Variants in TRIB3 observed in about 807,000 individuals in gnomAD.
The protein encoded by TRIB3 is tribbles pseudokinase 3.
Under a neutral mutation model 16.6 loss-of-function variants are expected in TRIB3, and 20 were observed. That is an observed-to-expected ratio of 1.20 (90% CI 0.85 to 1.75). The LOEUF (loss-of-function observed/expected upper bound fraction) is 1.75, where lower values mean the gene tolerates loss of function less well. Ranked by LOEUF, TRIB3 falls within the 40% of genes most tolerant of loss-of-function variation. TRIB3 has a pLI of 0.00. For missense variants in TRIB3, 484 were observed against 488.9 expected, an observed-to-expected ratio of 0.99 and a Z score of 0.10; for synonymous variants, 208 against 217.0, an observed-to-expected ratio of 0.96 and a Z score of 0.36.
chr20:389,809 G>C (rs1380353310), intron 2 of TRIB3, among the ~76,000 whole-genome samples: 1 of 152,226 alleles, frequency 6.6e-6, no homozygotes, highest in Non-Finnish European at 1.5e-5. Context: ...TGCACCATGG[G>C]TGCTGAATGG....
At chr20:395,079 G>C (rs1410986127) in intron 3 of TRIB3, among the ~76,000 whole-genome samples, 2 of 152,174 alleles carry the variant, frequency 1.3e-5, no homozygotes, top group African/African-American at 4.8e-5. Flanking sequence ...AATAGCAGTG[G>C]TAATAGAATG....
intron 1 of TRIB3, chr20:382,342 A>G (rs956256273): frequency 2.8e-5 from 16 of 576,888 alleles, no homozygotes; most frequent in Non-Finnish European, 3.4e-5. Flanking sequence ...CCAGGCCCCA[A>G]CAGGCTCTGA....
At position 396,244 on chromosome 20, in the gene TRIB3, G is replaced by A; in HGVS notation, c.631G>A (p.Gly211Arg). ...CCTGGAGGACTCCTGCGTGCTGACT[G>A]GGCCAGATGATTCCCTGTGGGACAA... ...ENLEDSCVLT[G>R]PDDSLWDKHA... is the part of the protein sequence containing the mutation. Residue 211 changes from glycine to arginine, a missense_variant, in exon 4 of 4, where the codon GGG becomes AGG. By Grantham distance (125) the Gly-to-Arg change is moderately radical (BLOSUM62 -2). Transcript: ENST00000217233. 1.2e-6 allele frequency: 2 copies of A among 1,613,790 alleles called. No individual in the cohort carries two copies. Among genetic ancestry groups the A allele is most frequent in the East Asian group, 2.2e-5 (1 of 44,878 alleles).
In TRIB3 at chr20:396,225, G is replaced by A. The variant is rs769730097; in HGVS notation, c.612G>A (p.Glu204=). The A allele has an allele frequency of 2.5e-6, 4 of 1,611,072 alleles. No individual in the cohort carries two copies. In the Admixed American group the frequency reaches 6.7e-5, roughly 27 times the overall value. Residue 204 remains glutamate, a synonymous_variant, in exon 4 of 4, where the codon GAG becomes GAA. Transcript: ENST00000217233. ...ERKKLVLENL[E]DSCVLTGPDD... is the part of the protein sequence containing the mutation. ...AGAAGCTGGTGCTGGAGAACCTGGAGGACTCCTGCGTGCTGACTGGGCCAG... is the reference window on the plus strand; with the variant it reads ...AGAAGCTGGTGCTGGAGAACCTGGAAGACTCCTGCGTGCTGACTGGGCCAG...
At chr20:381,256 G>A (rs1170267805) in intron 1 of TRIB3, 87 bp downstream of exon 1, 1 of 152,238 alleles carries the variant, frequency 6.6e-6, no homozygotes, top group African/African-American at 2.4e-5. Flanking sequence ...GGAAGCCTCT[G>A]GGCGTCTGCG....
chr20:387,363 CAGAG>C (rs1263648115), intron 1 of TRIB3, among the ~76,000 whole-genome samples: 1 of 151,890 alleles, frequency 6.6e-6, no homozygotes, highest in Non-Finnish European at 1.5e-5. Context: ...TGCATCCTTT[CAGAG>C]AGAGAGATGA....
chr20:382,851 C>G (rs561302203), intron 1 of TRIB3, among the ~76,000 whole-genome samples: 1 of 152,210 alleles, frequency 6.6e-6, no homozygotes, highest in Non-Finnish European at 1.5e-5. Flanking sequence ...AAGTCATGAC[C>G]TTTCACTCAT....
chr20:396,196 A>G lies in TRIB3; in HGVS notation c.585-2A>G. On this transcript the variant is annotated splice_acceptor_variant, in intron 3 of 3. Transcript: ENST00000217233. LOFTEE classifies it high-confidence loss of function. ...ACCCTTCTGTTTCTCCCCATGTCCC[A>G]GGAAGAAGCTGGTGCTGGAGAACCT... The G allele has an allele frequency of 1.2e-6, 2 of 1,605,420 alleles. No homozygotes were observed. The highest frequency in any genetic ancestry group is 1.7e-6 in the Non-Finnish European group (2 of 1,173,430).
At chr20:394,124 G>A (rs868300249) in intron 3 of TRIB3, among the ~76,000 whole-genome samples, 4 of 148,854 alleles carry the variant, frequency 2.7e-5, no homozygotes, top group African/African-American at 7.5e-5. Flanking sequence ...TCCACCTCCC[G>A]GGTTCAAGTG....
chr20:391,272 A>G lies in TRIB3; in HGVS notation c.292-15A>G, dbSNP rs1035414321. On this transcript the variant is annotated splice_polypyrimidine_tract_variant and intron_variant, in intron 2 of 3. Transcript: ENST00000217233. ...GGGAGTCCCCAGCTGTGCTAACACC[A>G]TGCTCTGCCCACAGGTGTACCCCGT... 6.2e-7 allele frequency: 1 copy of G among 1,608,696 alleles called. No individual in the cohort carries two copies. The highest frequency in any genetic ancestry group is 8.5e-7 in the Non-Finnish European group (1 of 1,178,728).
chr20:394,232 T>C (rs1425014567), intron 3 of TRIB3, among the ~76,000 whole-genome samples: 5 of 152,270 alleles, frequency 3.3e-5, no homozygotes, highest in South Asian at 2.1e-4. Flanking sequence ...GGTTTTGCCA[T>C]GTTGGCCAGG....
chr20:394,786 TAAAGAAAAA>T (rs764411709), intron 3 of TRIB3, among the ~76,000 whole-genome samples: 82 of 146,920 alleles, frequency 5.6e-4, no homozygotes, highest in Non-Finnish European at 1.0e-3. Context: ...ACCCTATCTC[TAAAGAAAAA>T]AAAGAAAAAA....
At position 388,032 on chromosome 20, in the gene TRIB3, G is replaced by T. The variant is rs1398755474; in HGVS notation, c.22G>T (p.Ala8Ser). 2 of 1,613,516 alleles carry T rather than the reference G, an allele frequency of 1.2e-6. No homozygotes were observed. The highest frequency in any genetic ancestry group is 2.2e-5 in the East Asian group (1 of 44,862). ...CCAGATGCGAGCCACCCCTCTGGCT[G>T]CTCCTGCGGGTTCCCTGTCCAGGAA... MRATPLA[A>S]PAGSLSRKKR... The change falls in exon 2 of 4, where the codon GCT (alanine) becomes TCT (serine). Residue 8 changes from alanine to serine, a missense_variant. Ala to Ser is a moderately conservative substitution (Grantham distance 99). Coordinates refer to ENST00000217233, the MANE Select transcript of TRIB3 (RefSeq NM_021158.5).
At position 391,867 on chromosome 20, in the gene TRIB3, C is replaced by T. The variant is rs1568536245; in HGVS notation, c.584+288C>T. On this transcript the variant is annotated intron_variant, in intron 3 of 3. Coordinates refer to ENST00000217233, the MANE Select transcript of TRIB3 (RefSeq NM_021158.5). The stretch of plus-strand genomic sequence containing the variant: ...TGAAACTCCGTCTCTACTAAAAATA[C>T]AAAAATTAGCCTAGTGTGGTGGCGC... Among the ~76,000 whole-genome samples the T allele has an allele frequency of 2.6e-5, 4 of 152,102 alleles. No homozygotes were observed. The South Asian group carries it at 8.3e-4, about 32-fold the overall frequency.
At chr20:395,934 C>A (rs535600322) in intron 3 of TRIB3, among the ~76,000 whole-genome samples, 24 of 152,304 alleles carry the variant, frequency 1.6e-4, no homozygotes, top group African/African-American at 5.8e-4. Flanking sequence ...CCCATCAGCC[C>A]CCTCCCCAAG....
At chr20:391,734 G>A (rs966216122) in intron 3 of TRIB3, among the ~76,000 whole-genome samples, 155 bp downstream of exon 3, 86 of 152,072 alleles carry the variant, frequency 5.7e-4, no homozygotes, top group African/African-American at 1.9e-3. Flanking sequence ...GAGAAGAGTT[G>A]ACTCAGGCCA....
intron 1 of TRIB3, among the ~76,000 whole-genome samples, chr20:386,105 C>T (rs1419816917): frequency 2.0e-5 from 3 of 152,110 alleles, no homozygotes; most frequent in African/African-American, 7.2e-5. Flanking sequence ...TTCAAGCAGT[C>T]TTCCCACCAT....
Position 381,043 on chromosome 20 carries a change from C to G in TRIB3, c.-127C>G, listed in dbSNP as rs544979348. 1 of 149,914 alleles carries G rather than the reference C, an allele frequency of 6.7e-6. No individual in the cohort carries two copies. The highest frequency in any genetic ancestry group is 6.7e-5 in the Admixed American group (1 of 15,030). The allele number at this position is 149,914 out of a possible 1,614,324, so 9.3% of individuals were successfully genotyped here. A position where few individuals can be genotyped will look rare whatever the true frequency, so the allele number is the denominator to read the frequency against. On this transcript the variant is annotated 5_prime_UTR_variant, in exon 1 of 4. Transcript: ENST00000217233. ...TCCGCGCGCGTCCGCTGCTAGGACC[C>G]GGGCAGGGCTGGAGCTGGGCTGGGA...
chr20:387,215 A>AT (rs1276114268), intron 1 of TRIB3, among the ~76,000 whole-genome samples: 1 of 152,106 alleles, frequency 6.6e-6, no homozygotes, highest in Non-Finnish European at 1.5e-5. Flanking sequence ...TCTACAAAGA[A>AT]TAAAAAAAAA....
Sources: allele counts gnomAD v4.1 joint callset (sites outside exome capture counted in the v4.1 genomes callset), GRCh38; gene constraint gnomAD v4.1.1; transcripts MANE v1.5; gene names NCBI Gene and HGNC (gene_info 2026-07-23, HGNC 2026-07-21).